DDX39B: variants seen among roughly 807,000 people sequenced by gnomAD.
DDX39B encodes spliceosome RNA helicase DDX39B.
Under a neutral mutation model 46.4 loss-of-function variants are expected in DDX39B, and 6 were observed. The ratio of observed to expected loss-of-function variants is 0.13; its 90% confidence interval spans 0.07 to 0.26. The LOEUF is 0.26. Among genes scored for constraint, DDX39B ranks in the 10% least tolerant of loss-of-function variants. DDX39B has a pLI of 1.00. For missense variants in DDX39B, 185 were observed against 553.4 expected (o/e 0.33, Z 6.68); for synonymous variants, 174 against 199.4 (o/e 0.87, Z 1.07).
In DDX39B at chr6:31,531,666, G is replaced by C. The variant is rs1396987290; in HGVS notation, c.868-261C>G. The stretch of plus-strand genomic sequence containing the variant: ...ATTGCCAGACATGCTAGGAGATGAG[G>C]ATGAGATCACCTCATGAAAAAGTGA... On this transcript the variant is annotated intron_variant, in intron 7 of 10. Coordinates refer to ENST00000396172, the MANE Select transcript of DDX39B (RefSeq NM_004640.7). This position sits in a 1 kb window ranked among gnomAD's most constrained non-coding sequence, Gnocchi z 5.8. The C allele has an allele frequency of 1.0e-5, 5 of 499,988 alleles. No homozygotes were observed. Among genetic ancestry groups the C allele is most frequent in the African/African-American group, 1.9e-5 (1 of 51,714 alleles). 31.0% of individuals were successfully genotyped at this position (499,988 alleles called of 1,614,324 possible).
Position 31,531,250 on chromosome 6 carries a change from C to CT in DDX39B, c.977+45dup. On this transcript the variant is annotated intron_variant, in intron 8 of 10. Transcript: ENST00000396172. The surrounding 1 kb of genome is among the most constrained non-coding windows in gnomAD (Gnocchi z 5.8). The stretch of plus-strand genomic sequence containing the variant: ...GTTGAGATTCCCTTCTCTCAACTGT[C>CT]TTTTTCTCCCAAGGACACAAAATAT... 5.0e-6 allele frequency: 8 copies of CT among 1,614,100 alleles called. No individual in the cohort carries two copies. Among genetic ancestry groups the CT allele is most frequent in the Non-Finnish European group, 6.8e-6 (8 of 1,179,962 alleles).
chr6:31,540,778 A>G (rs1371001902), intron 1 of DDX39B, 114 bp from the exon 2 acceptor site: 1 of 569,624 alleles, frequency 1.8e-6, no homozygotes, highest in Non-Finnish European at 3.1e-6. Flanking sequence ...CTGGAAAGAA[A>G]AACAGATACA....
Position 31,539,257 on chromosome 6 carries a change from G to A in DDX39B, c.229C>T (p.Pro77Ser). The A allele has an allele frequency of 6.2e-7, 1 of 1,613,098 alleles. No individual in the cohort carries two copies. The highest frequency in any genetic ancestry group is 8.5e-7 in the Non-Finnish European group (1 of 1,179,956). Reference sequence around the variant, plus strand: ...ACATCCATTCCCAGAATGGCCTGAGGGATGCACTCATGCTGGACTAAAAGT... The same window carrying A: ...ACATCCATTCCCAGAATGGCCTGAGAGATGCACTCATGCTGGACTAAAAGT... ...HPSEVQHECI[P>S]QAILGMDVLC... Residue 77 changes from proline (P) to serine (S), a missense_variant, in exon 3 of 11, where the codon CCT becomes TCT. Pro to Ser is a moderately conservative substitution (Grantham distance 74). Around this residue, in one of 5 missense-constraint regions of DDX39B, gnomAD observed 18 missense variants for 120.1 expected, o/e 0.15. Transcript: ENST00000396172.
chr6:31,539,312 A>G, intron 2 of DDX39B, 38 bp from the exon 3 acceptor site: 1 of 1,601,724 alleles, frequency 6.2e-7, no homozygotes, highest in Non-Finnish European at 8.5e-7. Flanking sequence ...ATTAGACTTC[A>G]GTCTCCAGAT....
intron 4 of DDX39B, among the ~76,000 whole-genome samples, chr6:31,538,396 T>A (rs1768021053): frequency 6.6e-6 from 1 of 152,166 alleles, no homozygotes; most frequent in African/African-American, 2.4e-5. Context: ...CCTCAAATAA[T>A]CCACACGCCT....
In DDX39B at chr6:31,530,262, A is replaced by T; in HGVS notation, c.*172T>A. ...CATGTGTTTCATTTTTAGTTTTGTT[A>T]AAAAAAAATTCTGACAAATCAGAAA... On this transcript the variant is annotated 3_prime_UTR_variant, in exon 11 of 11. Coordinates refer to ENST00000396172, the MANE Select transcript of DDX39B (RefSeq NM_004640.7). This position sits in a 1 kb window ranked among gnomAD's most constrained non-coding sequence, Gnocchi z 4.5. 1.3e-6 allele frequency: 1 copy of T among 757,134 alleles called. No individual in the cohort carries two copies. Among genetic ancestry groups the T allele is most frequent in the Non-Finnish European group, 2.0e-6 (1 of 508,286 alleles). The allele number at this position is 757,134 out of a possible 1,614,324, so 46.9% of individuals were successfully genotyped here. A position where few individuals can be genotyped will look rare whatever the true frequency, so the allele number is the denominator to read the frequency against.
rs538995701 is a variant in DDX39B at position 31,541,976 on chromosome 6, C to G, written c.-159G>C. 1.6e-5 allele frequency: 11 copies of G among 674,934 alleles called. No homozygotes were observed. The highest frequency in any genetic ancestry group is 3.0e-5 in the Non-Finnish European group (11 of 364,554). 41.8% of individuals were successfully genotyped at this position (674,934 alleles called of 1,614,324 possible). A position where few individuals can be genotyped will look rare whatever the true frequency, so the allele number is the denominator to read the frequency against. ...TAAACAGGGAGAGCGCGTATGGCGGCAGCAACAGCGACGAAGGAGGGAAAT... is the reference window on the plus strand; with the variant it reads ...TAAACAGGGAGAGCGCGTATGGCGGGAGCAACAGCGACGAAGGAGGGAAAT... On this transcript the variant is annotated 5_prime_UTR_variant, in exon 1 of 11. Transcript: ENST00000396172.
Position 31,540,546 on chromosome 6 carries a change from G to A in DDX39B, c.-14C>T. ...GTTCTCTGCCATAACTGGGCCGGCAGGGGAAGAAGGGAAGGGGGATCTGGA... is the reference window on the plus strand; with the variant it reads ...GTTCTCTGCCATAACTGGGCCGGCAAGGGAAGAAGGGAAGGGGGATCTGGA... On this transcript the variant is annotated 5_prime_UTR_variant, in exon 2 of 11. Transcript: ENST00000396172. 4 of 1,613,462 alleles carry A rather than the reference G, an allele frequency of 2.5e-6. No individual in the cohort carries two copies. Among genetic ancestry groups the A allele is most frequent in the Non-Finnish European group, 2.5e-6 (3 of 1,179,694 alleles).
intron 5 of DDX39B, among the ~76,000 whole-genome samples, chr6:31,536,007 T>C (rs769858226): frequency 5.3e-5 from 8 of 152,164 alleles, no homozygotes; most frequent in Admixed American, 6.5e-5. Flanking sequence ...CAAGATTCAA[T>C]TCTTACAGAA....
At chr6:31,541,908 A>C in intron 1 of DDX39B, 42 bp downstream of exon 1, 1 of 637,796 alleles carries the variant, frequency 1.6e-6, no homozygotes, top group South Asian at 1.8e-5. Flanking sequence ...GGGTGCGGAG[A>C]AGCGCAGATG....
intron 2 of DDX39B, 121 bp from the exon 3 acceptor site, chr6:31,539,395 C>T (rs1768148813): frequency 1.4e-6 from 2 of 1,422,280 alleles, no homozygotes; most frequent in African/African-American, 1.4e-5. Flanking sequence ...TTACCTGGTT[C>T]TTGCCAACTT....
At position 31,530,494 on chromosome 6, in the gene DDX39B, G is replaced by A. The variant is rs1350701146; in HGVS notation, c.1271-44C>T. 1.4e-5 allele frequency: 23 copies of A among 1,612,428 alleles called. No homozygotes were observed. Among genetic ancestry groups the A allele is most frequent in the Non-Finnish European group, 1.7e-5 (20 of 1,179,590 alleles). On this transcript the variant is annotated intron_variant, in intron 10 of 10. Transcript: ENST00000396172. The surrounding 1 kb of genome is among the most constrained non-coding windows in gnomAD (Gnocchi z 4.5). ...ATGGTCAGAATAAGGCATGAAAAGG[G>A]GAAAGTGAGGCAGGAACACACGGCA...
In DDX39B at chr6:31,531,024, G is replaced by C. The variant is rs904703836; in HGVS notation, c.1122+29C>G. The C allele has an allele frequency of 4.3e-6, 7 of 1,613,904 alleles. No individual in the cohort carries two copies. Among genetic ancestry groups the C allele is most frequent in the African/African-American group, 1.3e-5 (1 of 75,020 alleles). On this transcript the variant is annotated intron_variant, in intron 9 of 10. Coordinates refer to ENST00000396172, the MANE Select transcript of DDX39B (RefSeq NM_004640.7). This position sits in a 1 kb window ranked among gnomAD's most constrained non-coding sequence, Gnocchi z 5.8. ...AAACAGAAAACAAGGGAATGGGAGA[G>C]TGGGATTTTTTCAGCCTGTGAGGTT...
In DDX39B at chr6:31,534,487, T is replaced by C. The variant is rs1471558369; in HGVS notation, c.735+880A>G. 6.4e-6 allele frequency: 3 copies of C among 470,952 alleles called. No individual in the cohort carries two copies. Among genetic ancestry groups the C allele is most frequent in the Non-Finnish European group, 1.3e-5 (3 of 227,008 alleles). 29.2% of individuals were successfully genotyped at this position (470,952 alleles called of 1,614,324 possible). ...ACCACCCGATTACATCCACTTTACCTTTCCTATGTCCCTCTCCTCTGAGTA... is the reference window on the plus strand; with the variant it reads ...ACCACCCGATTACATCCACTTTACCCTTCCTATGTCCCTCTCCTCTGAGTA... On this transcript the variant is annotated intron_variant, in intron 6 of 10. Transcript: ENST00000396172. The surrounding 1 kb of genome is among the most constrained non-coding windows in gnomAD (Gnocchi z 5.1).
intron 3 of DDX39B, 102 bp downstream of exon 3, chr6:31,539,045 C>T (rs1768104326): frequency 1.9e-6 from 3 of 1,596,550 alleles, no homozygotes; most frequent in South Asian, 2.2e-5. Context: ...TAACAGAGGT[C>T]ATGTGCTCAT....
At chr6:31,541,787 G>A (rs1768506805) in intron 1 of DDX39B, 163 bp downstream of exon 1, 5 of 664,738 alleles carry the variant, frequency 7.5e-6, no homozygotes, top group Non-Finnish European at 1.1e-5. Flanking sequence ...CTTCCCCCAG[G>A]AGCTCTTTGC....
chr6:31,533,054 A>C (rs1767367278), intron 6 of DDX39B, 143 bp from the exon 7 acceptor site: 4 of 607,406 alleles, frequency 6.6e-6, no homozygotes, highest in South Asian at 5.2e-5. Context: ...CCCCACTCCC[A>C]AAAATACCCA....
intron 7 of DDX39B, 120 bp downstream of exon 7, chr6:31,532,660 C>T (rs1767304094): frequency 7.5e-7 from 1 of 1,329,676 alleles, no homozygotes; most frequent in South Asian, 1.3e-5. Context: ...TATTTATACC[C>T]TCATTATTCT....
Position 31,531,657 on chromosome 6 carries a change from G to A in DDX39B, c.868-252C>T. On this transcript the variant is annotated intron_variant, in intron 7 of 10. Coordinates refer to ENST00000396172, the MANE Select transcript of DDX39B (RefSeq NM_004640.7). The surrounding 1 kb of genome is among the most constrained non-coding windows in gnomAD (Gnocchi z 5.8). ...GAAATCAAAATTGCCAGACATGCTA[G>A]GAGATGAGGATGAGATCACCTCATG... The A allele has an allele frequency of 1.9e-6, 1 of 515,564 alleles. No homozygotes were observed. Among genetic ancestry groups the A allele is most frequent in the East Asian group, 3.1e-5 (1 of 31,878 alleles). 31.9% of individuals were successfully genotyped at this position (515,564 alleles called of 1,614,324 possible).
Sources: gnomAD v4.1 joint callset for allele counts (sites outside exome capture counted in the v4.1 genomes callset) on GRCh38, gnomAD v4.1.1 for gene constraint, gnomAD v4.1.1 regional missense constraint, Gnocchi (gnomAD v3.1) non-coding constraint, MANE v1.5 for transcripts, NCBI Gene and HGNC (gene_info 2026-07-23, HGNC 2026-07-21) for gene names.